Variants in CWF19L2 observed in about 807,000 individuals in gnomAD.
CWF19L2 encodes the protein CWF19-like protein 2.
A neutral mutation model predicts 111.7 loss-of-function variants in CWF19L2; 98 were observed. That is an observed-to-expected ratio of 0.88 (90% confidence interval 0.75 to 1.04). The LOEUF (loss-of-function observed/expected upper bound fraction) is 1.04. Among genes scored for constraint, CWF19L2 ranks in the 50% least tolerant of loss-of-function variants. CWF19L2 has a pLI of 0.00. For synonymous variants in CWF19L2, 351 were observed against 342.9 expected (o/e 1.02, Z -0.26); for missense variants, 1,101 against 1,051.4 (o/e 1.05, Z -0.65).
At chr11:107,407,497 A>G (rs1398032232) in intron 10 of CWF19L2, among the ~76,000 whole-genome samples, 2 of 152,036 alleles carry the variant, frequency 1.3e-5, no homozygotes, top group African/African-American at 4.8e-5. Flanking sequence ...AGGACTCAGT[A>G]TTTTTCATAT....
intron 12 of CWF19L2, among the ~76,000 whole-genome samples, chr11:107,369,591 T>C (rs1369955540): frequency 7.2e-6 from 1 of 138,370 alleles, no homozygotes; most frequent in Non-Finnish European, 1.6e-5. Context: ...CTAATTCTCA[T>C]TTGTATATTG....
chr11:107,432,860 T>A (rs1861483710), intron 7 of CWF19L2, among the ~76,000 whole-genome samples: 2 of 152,156 alleles, frequency 1.3e-5, no homozygotes, highest in African/African-American at 4.8e-5. Context: ...GCATTGGGCA[T>A]AGACAGTCAG....
chr11:107,440,065 G>A (rs555104093), intron 5 of CWF19L2, among the ~76,000 whole-genome samples: 55 of 152,296 alleles, frequency 3.6e-4, no homozygotes, highest in African/African-American at 1.3e-3. Flanking sequence ...GTGTGACGCG[G>A]CCATGGTCCT....
In CWF19L2 at chr11:107,441,549, T is replaced by A; in HGVS notation, c.524A>T (p.Glu175Val). The A allele has an allele frequency of 6.4e-7, 1 of 1,552,596 alleles. No individual in the cohort carries two copies. The highest frequency in any genetic ancestry group is 2.4e-5 in the East Asian group (1 of 41,966). The part of the protein sequence containing the change: ...VSSSSLKAEK[E>V]TMRKIEQEKN... The stretch of plus-strand genomic sequence containing the variant: ...CTCTTGCTCTATTTTCCTCATAGTT[T>A]CCTTTTCAGCTTTGAGTGATGATGA... Residue 175 changes from glutamate (E) to valine (V), a missense_variant, in exon 5 of 18, where the codon GAA becomes GTA. Transcript: ENST00000282251.
intron 8 of CWF19L2, among the ~76,000 whole-genome samples, chr11:107,426,502 T>C (rs1343635258): frequency 6.6e-6 from 1 of 151,882 alleles, no homozygotes; most frequent in Admixed American, 6.6e-5. Context: ...CATGCAAAGA[T>C]ACTCACAAAA....
At chr11:107,423,095 G>T (rs1472399614) in intron 8 of CWF19L2, among the ~76,000 whole-genome samples, 2 of 151,828 alleles carry the variant, frequency 1.3e-5, no homozygotes, top group African/African-American at 2.4e-5. Flanking sequence ...TGCATCCGTG[G>T]GCTGAGTTAT....
chr11:107,429,811 A>AAC (rs1256602029), intron 7 of CWF19L2, among the ~76,000 whole-genome samples: 4 of 151,330 alleles, frequency 2.6e-5, no homozygotes, highest in African/African-American at 9.7e-5. Flanking sequence ...CTCACCAAAA[A>AAC]AAAAAAAAAA....
At chr11:107,349,615 A>C (rs1336831356) in intron 13 of CWF19L2, among the ~76,000 whole-genome samples, 1 of 74,388 alleles carries the variant, frequency 1.3e-5, no homozygotes, top group East Asian at 3.6e-4. Context: ...CATTATATAC[A>C]AACTGTCTTA....
intron 10 of CWF19L2, among the ~76,000 whole-genome samples, chr11:107,407,400 CAAA>C (rs5794550): frequency 6.9e-6 from 1 of 145,782 alleles, no homozygotes; most frequent in Non-Finnish European, 1.5e-5. Flanking sequence ...TTCCCCCTAC[CAAA>C]AAAAAAAAAT....
At chr11:107,451,228 T>C (rs1861773897) in intron 3 of CWF19L2, among the ~76,000 whole-genome samples, 1 of 152,066 alleles carries the variant, frequency 6.6e-6, no homozygotes. Context: ...AAAACTCTTA[T>C]ATATCCATGA....
intron 17 of CWF19L2, 34 bp downstream of exon 17, chr11:107,329,884 T>C: frequency 1.4e-6 from 2 of 1,454,666 alleles, no homozygotes; most frequent in Non-Finnish European, 1.9e-6. Flanking sequence ...ACCAAATTGC[T>C]AACTCTGGGA....
At chr11:107,401,952 G>A (rs147616813) in intron 10 of CWF19L2, among the ~76,000 whole-genome samples, 2,006 of 152,088 alleles carry the variant, frequency 0.013, 37 homozygotes, top group African/African-American at 0.045. Flanking sequence ...ACTGACCTTC[G>A]ACAAATCAAA....
At chr11:107,383,056 G>A (rs1045464519) in intron 12 of CWF19L2, among the ~76,000 whole-genome samples, 2 of 152,202 alleles carry the variant, frequency 1.3e-5, no homozygotes, top group African/African-American at 4.8e-5. Flanking sequence ...CTCGCCCTAC[G>A]CGTCTCTTCA....
At chr11:107,431,068 T>C (rs1052621785) in intron 7 of CWF19L2, among the ~76,000 whole-genome samples, 4 of 151,648 alleles carry the variant, frequency 2.6e-5, no homozygotes, top group Non-Finnish European at 5.9e-5. Flanking sequence ...ATAAGGATAC[T>C]TAAACATGAT....
intron 14 of CWF19L2, among the ~76,000 whole-genome samples, chr11:107,344,286 T>C (rs975638241): frequency 6.6e-6 from 1 of 152,216 alleles, no homozygotes; most frequent in African/African-American, 2.4e-5. Flanking sequence ...TCTGTCATCA[T>C]ACTGGCTTCT....
In CWF19L2 at chr11:107,455,731, G is replaced by A. The variant is rs1201616597; in HGVS notation, c.151C>T (p.Arg51Ter). The A allele has an allele frequency of 5.2e-6, 8 of 1,550,766 alleles. No homozygotes were observed. The South Asian group carries it at 6.0e-5, about 12-fold the overall frequency. The part of the protein sequence containing the change: ...EKEERRKELK[R>*]LRGEDTWMLP... ...ATCCATGTATCCTCACCCCGAAGTC[G>A]CTTAAGTTCTTTACGCCTTTCTTCT... Residue 51 changes from arginine to a stop codon, truncating the protein, a stop_gained, in exon 2 of 18, where the codon CGA becomes TGA. Transcript: ENST00000282251. LOFTEE classifies it high-confidence loss of function.
intron 16 of CWF19L2, among the ~76,000 whole-genome samples, chr11:107,331,062 G>C (rs1236620853): frequency 7.9e-5 from 12 of 152,106 alleles, no homozygotes; most frequent in African/African-American, 2.9e-4. Flanking sequence ...GTAAAAATCT[G>C]TTCACGAAAT....
rs1412639846 is a variant in CWF19L2, at chr11:107,327,197, A to AAAAAT, written c.2542-149_2542-145dup. On this transcript the variant is annotated intron_variant, in intron 17 of 17. Coordinates refer to ENST00000282251, the MANE Select transcript of CWF19L2 (RefSeq NM_152434.3). Reference sequence around the variant, plus strand: ...AAGCATAAATACTAGTTGAAGTTAAAAAAATATGTTTTCAGTTAATTCTAA... The same window carrying AAAAAT: ...AAGCATAAATACTAGTTGAAGTTAAAAAAATAAAATATGTTTTCAGTTAATTCTAA... The AAAAAT allele has an allele frequency of 1.2e-5, 10 of 857,266 alleles. No individual in the cohort carries two copies. In the African/African-American group the frequency reaches 1.8e-4, roughly 15 times the overall value. The allele number at this position is 857,266 out of a possible 1,614,324, so 53.1% of individuals were successfully genotyped here. A position where few individuals can be genotyped will look rare whatever the true frequency, so the allele number is the denominator to read the frequency against.
intron 10 of CWF19L2, among the ~76,000 whole-genome samples, chr11:107,407,032 T>C (rs1022105710): frequency 3.3e-5 from 5 of 152,084 alleles, no homozygotes; most frequent in Admixed American, 1.3e-4. Context: ...CACTGTGATA[T>C]AGCAAGTGTT....
Sources: allele counts gnomAD v4.1 joint callset (sites outside exome capture counted in the v4.1 genomes callset), GRCh38; gene constraint gnomAD v4.1.1; transcripts MANE v1.5; gene names NCBI Gene and HGNC (gene_info 2026-07-23, HGNC 2026-07-21).